STAB2: variants seen among roughly 807,000 people sequenced by gnomAD.
STAB2 encodes stabilin 2.
In STAB2, 288 loss-of-function variants were observed where a neutral mutation model predicts 338.1. That is an observed-to-expected ratio of 0.85 (90% CI 0.77 to 0.94). The LOEUF (loss-of-function observed/expected upper bound fraction) is 0.94. STAB2 is among the 40% of genes least tolerant of loss of function. STAB2 has a pLI of 0.00. For synonymous variants in STAB2, 1,202 were observed against 1,193.3 expected, an observed-to-expected ratio of 1.01 and a Z score of -0.15; for missense variants, 3,141 against 3,210.1, an observed-to-expected ratio of 0.98 and a Z score of 0.52.
intron 3 of STAB2, among the ~76,000 whole-genome samples, chr12:103,601,762 A>C (rs1486807560): frequency 6.6e-6 from 1 of 152,212 alleles, no homozygotes; most frequent in East Asian, 1.9e-4. Context: ...TGAAAGTAGG[A>C]AATTATATAA....
In STAB2 at chr12:103,668,701, G is replaced by A; in HGVS notation, c.2144G>A (p.Cys715Tyr). Residue 715 changes from cysteine to tyrosine, a missense_variant, in exon 20 of 69, where the codon TGT becomes TAT. Cys to Tyr is a radical substitution (Grantham distance 194). Transcript: ENST00000388887. ...AGGTTTGGGAGCCTGAAGAGCGGCT[G>A]TGCCCGGTACTGCAATGCCACTGTG... ...SGRFGSLKSG[C>Y]ARYCNATVKI... 1 of 1,550,236 alleles carries A rather than the reference G, an allele frequency of 6.5e-7. No homozygotes were observed. The highest frequency in any genetic ancestry group is 8.7e-7 in the Non-Finnish European group (1 of 1,146,424).
At position 103,652,589 on chromosome 12, in the gene STAB2, C is replaced by T; in HGVS notation, c.1291C>T (p.Gln431Ter). 1 of 1,605,892 alleles carries T rather than the reference C, an allele frequency of 6.2e-7. No individual in the cohort carries two copies. ...GCTTTTGGTGGATAATAAAGCTGCTCAATACTTTGTGAAACTCCACATAAT... is the reference window on the plus strand; with the variant it reads ...GCTTTTGGTGGATAATAAAGCTGCTTAATACTTTGTGAAACTCCACATAAT... ...NELLVDNKAA[Q>*]YFVKLHIIAG... The change falls in exon 12 of 69, where the codon CAA (glutamine) becomes TAA (stop). Residue 431 changes from glutamine (Q) to a stop codon, truncating the protein, a stop_gained. Transcript: ENST00000388887. LOFTEE classifies it high-confidence loss of function.
chr12:103,749,872 A>AAAAAAAAG (rs58406423), intron 59 of STAB2, among the ~76,000 whole-genome samples: 3 of 131,480 alleles, frequency 2.3e-5, no homozygotes, highest in Non-Finnish European at 3.2e-5. Flanking sequence ...AAAAAAAAAA[A>AAAAAAAAG]GCTGGTAAGA....
chr12:103,611,589 T>C (rs528115327), intron 3 of STAB2, among the ~76,000 whole-genome samples: 1 of 152,312 alleles, frequency 6.6e-6, no homozygotes, highest in East Asian at 1.9e-4. Flanking sequence ...TGTCTCTGCA[T>C]GTGAGATGGG....
At chr12:103,676,707 C>T (rs1297112152) in intron 24 of STAB2, among the ~76,000 whole-genome samples, 1 of 152,176 alleles carries the variant, frequency 6.6e-6, no homozygotes, top group African/African-American at 2.4e-5. Flanking sequence ...ATCGCCATCC[C>T]CACCTGACCC....
chr12:103,661,217 C>CAAAAA (rs10548393), intron 17 of STAB2, among the ~76,000 whole-genome samples: 4 of 106,102 alleles, frequency 3.8e-5, no homozygotes, highest in Admixed American at 9.6e-5. Context: ...GAGTTCCAGA[C>CAAAAA]AAAAAAAAAA....
Position 103,587,663 on chromosome 12 carries a change from T to C in STAB2, c.81+106T>C, listed in dbSNP as rs1444674715. 6 of 883,334 alleles carry C rather than the reference T, an allele frequency of 6.8e-6. No individual in the cohort carries two copies. In the African/African-American group the frequency reaches 6.8e-5, roughly 10 times the overall value. The allele number at this position is 883,334 out of a possible 1,614,324, so 54.7% of individuals were successfully genotyped here. ...TGGGTAAAGGGTGAAATCTGGACTTTATAAAATACAGAGAATGTTTTTGGA... is the reference window on the plus strand; with the variant it reads ...TGGGTAAAGGGTGAAATCTGGACTTCATAAAATACAGAGAATGTTTTTGGA... On this transcript the variant is annotated intron_variant, in intron 1 of 68. Coordinates refer to ENST00000388887, the MANE Select transcript of STAB2 (RefSeq NM_017564.10).
At chr12:103,624,626 T>C (rs73187884) in intron 5 of STAB2, among the ~76,000 whole-genome samples, 1,947 of 152,286 alleles carry the variant, frequency 0.013, 15 homozygotes, top group African/African-American at 0.018. Context: ...TTCATAAGAC[T>C]GTTAGCAAAA....
rs139140320 is a variant in STAB2 at position 103,710,054 on chromosome 12, G to T, written c.4289-1417G>T. On this transcript the variant is annotated intron_variant, in intron 39 of 68. Transcript: ENST00000388887. ...TCTTCCTCCTGCTCCCCTCTCACCA[G>T]TAGCCTTGTGGTCTCTTTGTTTCCT... 3.0e-3 allele frequency among the ~76,000 whole-genome samples: 455 copies of T among 152,132 alleles called. 6 individuals carry two copies. The highest frequency in any genetic ancestry group is 0.01 in the African/African-American group (427 of 41,488).
At position 103,745,777 on chromosome 12, in the gene STAB2, G is replaced by A. The variant is rs562339174; in HGVS notation, c.6136+500G>A. ...ACATTCTGCAACGCAAGGATTGCTG[G>A]CAGGGTCAGCGAGCATGGTTTTGAA... On this transcript the variant is annotated intron_variant, in intron 57 of 68. Coordinates refer to ENST00000388887, the MANE Select transcript of STAB2 (RefSeq NM_017564.10). Among the ~76,000 whole-genome samples the A allele has an allele frequency of 6.6e-5, 10 of 152,322 alleles. No individual in the cohort carries two copies. The East Asian group carries it at 1.9e-3, about 29-fold the overall frequency.
At chr12:103,759,005 C>T (rs1056102361) in intron 64 of STAB2, 128 bp from the exon 65 acceptor site, 14 of 1,497,270 alleles carry the variant, frequency 9.4e-6, no homozygotes, top group South Asian at 1.2e-5. Flanking sequence ...TTGACATTTC[C>T]TGATCTCCAC....
chr12:103,690,329 G>A, intron 29 of STAB2, 95 bp from the exon 30 acceptor site: 1 of 1,112,504 alleles, frequency 9.0e-7, no homozygotes, highest in Non-Finnish European at 1.3e-6. Context: ...TTTTGACTAT[G>A]GCAATCTGGC....
intron 3 of STAB2, among the ~76,000 whole-genome samples, chr12:103,608,014 A>G (rs1383709160): frequency 6.6e-5 from 10 of 152,290 alleles, no homozygotes; most frequent in South Asian, 2.1e-4. Flanking sequence ...CTGTGTAAAA[A>G]TGTTCCTATT....
At position 103,683,097 on chromosome 12, in the gene STAB2, G is replaced by A. The variant is rs1349922177; in HGVS notation, c.2806-108G>A. On this transcript the variant is annotated intron_variant, in intron 25 of 68. Coordinates refer to ENST00000388887, the MANE Select transcript of STAB2 (RefSeq NM_017564.10). ...GGCATTAACACTGTTCTCTGGGACAGCCAAGCAGCTTCAGTTTCCATAGTA... is the reference window on the plus strand; with the variant it reads ...GGCATTAACACTGTTCTCTGGGACAACCAAGCAGCTTCAGTTTCCATAGTA... 10 of 895,300 alleles carry A rather than the reference G, an allele frequency of 1.1e-5. No homozygotes were observed. The East Asian group carries it at 2.1e-4, about 19-fold the overall frequency. The allele number at this position is 895,300 out of a possible 1,614,324, so 55.5% of individuals were successfully genotyped here.
intron 23 of STAB2, 90 bp from the exon 24 acceptor site, chr12:103,675,838 G>A: frequency 5.0e-6 from 5 of 995,092 alleles, no homozygotes; most frequent in South Asian, 4.7e-5. Flanking sequence ...GAGCCATTTG[G>A]CCAGGAACTG....
rs769485435 is a variant in STAB2, at chr12:103,590,953, C to T, written c.138C>T (p.Cys46=). ...LLTIRTECRS[C]ALNLGVKCPD... ...CAATTAGGACCGAGTGCCGATCCTG[C>T]GCTCTCAACCTTGGAGTCAAGTGCC... Residue 46 remains cysteine (C), a synonymous_variant, in exon 2 of 69, where the codon TGC becomes TGT. Transcript: ENST00000388887. The T allele has an allele frequency of 4.5e-5, 72 of 1,613,938 alleles. No individual in the cohort carries two copies. Among genetic ancestry groups the T allele is most frequent in the Middle Eastern group, 1.6e-4 (1 of 6,084 alleles).
chr12:103,690,272 GA>G, intron 29 of STAB2, 151 bp from the exon 30 acceptor site: 1 of 733,416 alleles, frequency 1.4e-6, no homozygotes, highest in South Asian at 1.9e-5. Flanking sequence ...CAGCGTGGTT[GA>G]GTAACTAACT....
At chr12:103,630,559 G>T (rs1259146042) in intron 5 of STAB2, among the ~76,000 whole-genome samples, 2 of 152,204 alleles carry the variant, frequency 1.3e-5, no homozygotes, top group East Asian at 1.9e-4. Flanking sequence ...TTGCTAACTG[G>T]CTGGCTTAAG....
At chr12:103,734,888 T>C (rs11111738) in intron 51 of STAB2, among the ~76,000 whole-genome samples, 41,850 of 152,076 alleles carry the variant, frequency 0.28, 8,133 homozygotes, top group African/African-American at 0.56. Flanking sequence ...TGCTCCTGGA[T>C]TTGTAGTGTA....
Sources: gnomAD v4.1 joint callset for allele counts (sites outside exome capture counted in the v4.1 genomes callset) on GRCh38, gnomAD v4.1.1 for gene constraint, MANE v1.5 for transcripts, NCBI Gene and HGNC (gene_info 2026-07-23, HGNC 2026-07-21) for gene names.